The following DMD variants were observed in gnomAD, a reference collection of about 807,000 sequenced individuals.
DMD encodes dystrophin.
In DMD, 63 loss-of-function variants were observed where a neutral mutation model predicts 330.1. The observed-to-expected ratio is 0.19, with a 90% CI of 0.16 to 0.24. DMD has a LOEUF of 0.24. Ranked by LOEUF, DMD falls within the 10% of genes least tolerant of loss-of-function variation. The probability of loss-of-function intolerance (pLI) is 1.00; values close to 1 mark genes in which losing one functional copy is unlikely to be tolerated. For missense variants in DMD, 3,344 were observed against 2,684.1 expected, an observed-to-expected ratio of 1.25 and a Z score of -5.43; for synonymous variants, 1,223 against 959.8, an observed-to-expected ratio of 1.27 and a Z score of -5.07.
chrX:32,613,325 C>T (rs1367285071), intron 12 of DMD, among the ~76,000 whole-genome samples: 1 of 110,472 alleles, frequency 9.1e-6, no homozygotes, highest in Non-Finnish European at 1.9e-5. Context: ...GAGCAGGAGC[C>T]TATTTCAACA....
At chrX:32,172,490 C>A (rs2096891171) in intron 44 of DMD, among the ~76,000 whole-genome samples, 1 of 111,662 alleles carries the variant, frequency 9.0e-6, no homozygotes, top group Non-Finnish European at 1.9e-5. Flanking sequence ...AAATGCCCTC[C>A]CTCTCCCTTC....
At chrX:31,849,403 T>G (rs1173631125) in intron 48 of DMD, among the ~76,000 whole-genome samples, 1 of 110,639 alleles carries the variant, frequency 9.0e-6, no homozygotes, top group African/African-American at 3.3e-5. Flanking sequence ...TGATCACTTT[T>G]GTGTTTGATA....
intron 62 of DMD, among the ~76,000 whole-genome samples, chrX:31,283,679 A>G (rs2052801706): frequency 8.9e-6 from 1 of 111,854 alleles, no homozygotes; most frequent in African/African-American, 3.3e-5. Context: ...TTTTGGGAAC[A>G]GCTCACGTAT....
At chrX:32,979,690 T>A (rs1433207234) in intron 2 of DMD, among the ~76,000 whole-genome samples, 1 of 111,551 alleles carries the variant, frequency 9.0e-6, no homozygotes, top group East Asian at 2.8e-4. Context: ...GGTTGACAAA[T>A]AGTGTACTTC....
At chrX:32,068,023 CTT>C (rs1159680938) in intron 44 of DMD, among the ~76,000 whole-genome samples, 1 of 111,584 alleles carries the variant, frequency 9.0e-6, no homozygotes, top group Admixed American at 9.5e-5. Flanking sequence ...CATTGGGTGT[CTT>C]TTGACTTTTT....
At chrX:33,280,874 T>C (rs1030654264) in intron 1 of DMD, among the ~76,000 whole-genome samples, 1 of 112,044 alleles carries the variant, frequency 8.9e-6, no homozygotes, top group East Asian at 2.8e-4. Flanking sequence ...GTGATTTCTC[T>C]AATTAATTTT....
intron 7 of DMD, among the ~76,000 whole-genome samples, chrX:32,784,098 A>G (rs914272377): frequency 9.0e-6 from 1 of 110,849 alleles, no homozygotes; most frequent in African/African-American, 3.3e-5. Flanking sequence ...CTCAGCCATT[A>G]AAGAGCAGAA....
intron 30 of DMD, among the ~76,000 whole-genome samples, chrX:32,398,579 G>A (rs566223498): frequency 3.6e-5 from 4 of 111,073 alleles, no homozygotes; most frequent in African/African-American, 1.3e-4. Context: ...CCACAGAACC[G>A]TTTAAAAATA....
chrX:32,472,649 T>C (rs760658108), intron 21 of DMD, among the ~76,000 whole-genome samples: 109 of 111,019 alleles, frequency 9.8e-4, no homozygotes, highest in African/African-American at 3.5e-3. Flanking sequence ...CAGATGGTAT[T>C]TGCAGAAACC....
chrX:31,341,891 G>GCGCACACA (rs374298104), intron 61 of DMD, among the ~76,000 whole-genome samples: 1,542 of 98,859 alleles, frequency 0.016, 16 homozygotes, highest in East Asian at 0.039. Flanking sequence ...GTGCGCGCGC[G>GCGCACACA]CACACACACA....
intron 44 of DMD, among the ~76,000 whole-genome samples, chrX:32,042,287 A>C (rs1223121149): frequency 9.2e-6 from 1 of 108,563 alleles, no homozygotes; most frequent in African/African-American, 3.4e-5. Flanking sequence ...TAATTGACTC[A>C]TAGTTCAGCA....
rs760834517 is a variant in DMD, at chrX:33,276,579, A to G, written c.7+62680T>C. Among the ~76,000 whole-genome samples the G allele has an allele frequency of 4.5e-5, 5 of 111,916 alleles. No individual in the cohort carries two copies. In the South Asian group the frequency reaches 1.9e-3, roughly 42 times the overall value. On this transcript the variant is annotated intron_variant, in intron 1 of 17. Coordinates refer to the DMD transcript ENST00000288447. ...ACTAGTATTTTTCAAGTTGTATTCT[A>G]TAGAGCTCCCCAATTAAATTCAGCA... is the stretch of plus-strand genomic sequence containing the variant.
intron 47 of DMD, among the ~76,000 whole-genome samples, chrX:31,915,808 T>C (rs1161387664): frequency 3.6e-5 from 4 of 111,832 alleles, no homozygotes; most frequent in African/African-American, 1.3e-4. Context: ...GGAATGCATC[T>C]TAACTGAATA....
chrX:31,807,107 A>G (rs1460411939), intron 50 of DMD, among the ~76,000 whole-genome samples: 1 of 111,319 alleles, frequency 9.0e-6, no homozygotes, highest in Non-Finnish European at 1.9e-5. Context: ...GATGAACTCT[A>G]TGTTTCTGGT....
chrX:31,234,729 G>A (rs1216031919), intron 63 of DMD, among the ~76,000 whole-genome samples: 1 of 112,165 alleles, frequency 8.9e-6, no homozygotes, highest in Admixed American at 9.4e-5. Context: ...CTCTGGTTAT[G>A]TGAGTGTCAA....
chrX:32,607,961 C>T, intron 12 of DMD, among the ~76,000 whole-genome samples: 1 of 109,189 alleles, frequency 9.2e-6, no homozygotes, highest in Non-Finnish European at 1.9e-5. Flanking sequence ...TCAGTGTCTT[C>T]TCATGAGGAA....
chrX:31,289,288 C>A (rs2053501237), intron 62 of DMD, among the ~76,000 whole-genome samples: 1 of 67,916 alleles, frequency 1.5e-5, no homozygotes, highest in African/African-American at 8.4e-5. Context: ...TAAAATCCAT[C>A]TCAAAAAAAA....
Position 33,119,456 on chromosome X carries a change from G to A in DMD, c.31+91826C>T, listed in dbSNP as rs143955429. 2.5e-4 allele frequency among the ~76,000 whole-genome samples: 28 copies of A among 112,125 alleles called. No homozygotes were observed. In the East Asian group the frequency reaches 7.6e-3, roughly 30 times the overall value. On this transcript the variant is annotated intron_variant, in intron 1 of 78. Transcript: ENST00000357033. Reference sequence around the variant, plus strand: ...CAAATACATATTAAGCTACTACTGCGTGACTGACAATATGCATGTTAGTGT... The same window carrying A: ...CAAATACATATTAAGCTACTACTGCATGACTGACAATATGCATGTTAGTGT...
At chrX:33,091,106 A>C (rs2095080244) in intron 1 of DMD, among the ~76,000 whole-genome samples, 1 of 111,013 alleles carries the variant, frequency 9.0e-6, no homozygotes, top group Non-Finnish European at 1.9e-5. Flanking sequence ...CTCAAACACT[A>C]AGCATATGAG....
Sources: gnomAD v4.1 joint callset for allele counts (sites outside exome capture counted in the v4.1 genomes callset) on GRCh38, gnomAD v4.1.1 for gene constraint, MANE v1.5 for transcripts, NCBI Gene and HGNC (gene_info 2026-07-23, HGNC 2026-07-21) for gene names.